The following VPS37A variants were observed in gnomAD, a reference collection of about 807,000 sequenced individuals.
The protein encoded by VPS37A is vacuolar protein sorting-associated protein 37A.
VPS37A carries 30 observed loss-of-function variants against 49.8 expected under a neutral mutation model. The ratio of observed to expected loss-of-function variants is 0.60; its 90% CI spans 0.45 to 0.82. VPS37A has a LOEUF of 0.82. Ranked by LOEUF, VPS37A falls within the 40% of genes least tolerant of loss-of-function variation. The pLI is 0.00. For missense variants in VPS37A, 593 were observed against 464.4 expected, an observed-to-expected ratio of 1.28 and a Z score of -2.55; for synonymous variants, 195 against 160.6, an observed-to-expected ratio of 1.21 and a Z score of -1.62.
At chr8:17,318,313 C>T in the VPS37A span, among the ~76,000 whole-genome samples, 25 of 152,196 alleles carry the variant, frequency 1.6e-4, no homozygotes, top group Admixed American at 3.3e-4. Flanking sequence ...AGCAGCGCTT[C>T]CACAGTTCTG....
rs1811319106 is a variant in VPS37A at position 17,247,275 on chromosome 8, GCCT to G, written c.40_42del (p.Ser14del). On this transcript the variant is annotated inframe_deletion, in exon 1 of 12. Transcript: ENST00000324849. ...CTGGCTTTTTCCCCTGACCAAGAGC[GCCT>G]CCTCCTCCGCGGCTGGGTCCCCCGG... is the stretch of plus-strand genomic sequence containing the variant. The G allele has an allele frequency of 6.4e-7, 1 of 1,568,848 alleles. No individual in the cohort carries two copies. The highest frequency in any genetic ancestry group is 1.2e-5 in the South Asian group (1 of 85,318).
intron 1 of VPS37A, among the ~76,000 whole-genome samples, chr8:17,264,603 T>C (rs1813276360): frequency 6.6e-6 from 1 of 152,166 alleles, no homozygotes; most frequent in Admixed American, 6.6e-5. Flanking sequence ...TATCTTAAGA[T>C]TTACATATCC....
At chr8:17,268,114 A>G (rs967043239) in intron 2 of VPS37A, 144 bp from the exon 3 acceptor site, 10 of 563,124 alleles carry the variant, frequency 1.8e-5, no homozygotes, top group African/African-American at 1.5e-4. Flanking sequence ...AGACAACACC[A>G]TAATAGAGCA....
At chr8:17,329,210 T>G in the VPS37A span, among the ~76,000 whole-genome samples, 1 of 152,180 alleles carries the variant, frequency 6.6e-6, no homozygotes, top group Admixed American at 6.5e-5. Context: ...GGATAGCTGT[T>G]TGAAGGAGGA....
At chr8:17,257,311 A>T (rs1812557005) in intron 1 of VPS37A, among the ~76,000 whole-genome samples, 2 of 152,172 alleles carry the variant, frequency 1.3e-5, no homozygotes, top group Admixed American at 1.3e-4. Context: ...TGATTTGGTT[A>T]CTATAACTTT....
chr8:17,253,620 ATTTACT>A (rs1230051577), intron 1 of VPS37A, among the ~76,000 whole-genome samples: 1 of 152,218 alleles, frequency 6.6e-6, no homozygotes, highest in African/African-American at 2.4e-5. Flanking sequence ...TATTTCCCTG[ATTTACT>A]TTTCTGAGTA....
downstream of VPS37A, among the ~76,000 whole-genome samples, chr8:17,305,101 C>T (rs1817366824): frequency 6.6e-6 from 1 of 152,142 alleles, no homozygotes; most frequent in Admixed American, 6.5e-5. Flanking sequence ...ACTTGAGCTT[C>T]CTTAGAGAAA....
chr8:17,331,215 T>C, the VPS37A span: 2 of 1,612,886 alleles, frequency 1.2e-6, no homozygotes, highest in Non-Finnish European at 1.7e-6. Context: ...AAACTGAAAC[T>C]TGATATTGGA....
At position 17,274,963 on chromosome 8, in the gene VPS37A, G is replaced by A; in HGVS notation, c.642+5G>A. ...ACAGTGGATGCTTCAATACCGGTTG[G>A]TATCGTCAGTTATCTATATTTTGTG... On this transcript the variant is annotated splice_donor_5th_base_variant and intron_variant, in intron 5 of 11. Coordinates refer to ENST00000324849, the MANE Select transcript of VPS37A (RefSeq NM_152415.3). 6.2e-7 allele frequency: 1 copy of A among 1,611,960 alleles called. No homozygotes were observed. Among genetic ancestry groups the A allele is most frequent in the Non-Finnish European group, 8.5e-7 (1 of 1,178,184 alleles).
rs114590037 is a variant in VPS37A at position 17,261,033 on chromosome 8, T to C, written c.126-4874T>C. Among the ~76,000 whole-genome samples the C allele has an allele frequency of 4.5e-3, 681 of 152,356 alleles. 3 individuals carry two copies. The highest frequency in any genetic ancestry group is 0.016 in the African/African-American group (651 of 41,592). ...CTTTCTCAAGCTTTGGAAGTTTTTC[T>C]GTGACTATTTCTTGGAATAAGCTTT... On this transcript the variant is annotated intron_variant, in intron 1 of 11. Coordinates refer to ENST00000324849, the MANE Select transcript of VPS37A (RefSeq NM_152415.3).
rs1183780025 is a variant in VPS37A at position 17,297,883 on chromosome 8, A to ATGTC, written c.*2903_*2906dup. The ATGTC allele has an allele frequency of 6.6e-6, 1 of 152,026 alleles. No individual in the cohort carries two copies. The highest frequency in any genetic ancestry group is 1.9e-4 in the East Asian group (1 of 5,202). 9.4% of individuals were successfully genotyped at this position (152,026 alleles called of 1,614,324 possible). Reference sequence around the variant, plus strand: ...AGACGAACATGTTACATAAATTATAATGTCTGTCTTGTAAAAAAGTTGAGG... The same window carrying ATGTC: ...AGACGAACATGTTACATAAATTATAATGTCTGTCTGTCTTGTAAAAAAGTTGAGG... On this transcript the variant is annotated 3_prime_UTR_variant, in exon 12 of 12. Transcript: ENST00000324849.
downstream of VPS37A, among the ~76,000 whole-genome samples, chr8:17,300,593 TCTAA>T (rs1445843973): frequency 1.3e-5 from 2 of 152,368 alleles, no homozygotes; most frequent in Admixed American, 1.3e-4. Flanking sequence ...GTGTTTATCA[TCTAA>T]CTTTTATACT....
chr8:17,301,198 C>T (rs1817085740), downstream of VPS37A, among the ~76,000 whole-genome samples: 1 of 152,178 alleles, frequency 6.6e-6, no homozygotes, highest in Non-Finnish European at 1.5e-5. Flanking sequence ...AATACAGACC[C>T]AGCCTTAAGG....
the VPS37A span, among the ~76,000 whole-genome samples, chr8:17,314,761 A>G: frequency 6.6e-6 from 1 of 152,222 alleles, no homozygotes; most frequent in East Asian, 1.9e-4. Flanking sequence ...TCTTCCTTCC[A>G]AATGCCTGCC....
intron 4 of VPS37A, among the ~76,000 whole-genome samples, chr8:17,274,500 ATCT>A (rs1483398304): frequency 2.6e-5 from 4 of 150,954 alleles, no homozygotes; most frequent in Non-Finnish European, 5.9e-5. Context: ...AGCACCCATC[ATCT>A]TCTTTGTAGA....
At chr8:17,255,787 A>G (rs1050646131) in intron 1 of VPS37A, among the ~76,000 whole-genome samples, 1 of 151,952 alleles carries the variant, frequency 6.6e-6, no homozygotes, top group African/African-American at 2.4e-5. Context: ...CACATATGCA[A>G]TGTTTGTCTT....
At chr8:17,277,473 A>G (rs13268068) in intron 6 of VPS37A, among the ~76,000 whole-genome samples, 18,178 of 152,106 alleles carry the variant, frequency 0.12, 1,492 homozygotes, top group Non-Finnish European at 0.18. Context: ...TGTGGCAACA[A>G]CAGCTATAAA....
chr8:17,311,666 C>G, the VPS37A span: 1 of 1,613,598 alleles, frequency 6.2e-7, no homozygotes, highest in Non-Finnish European at 8.5e-7. Context: ...CAAAGAGTCA[C>G]AAAGAATGGC....
At chr8:17,323,140 G>T in the VPS37A span, among the ~76,000 whole-genome samples, 1 of 151,684 alleles carries the variant, frequency 6.6e-6, no homozygotes, top group Admixed American at 6.6e-5. Flanking sequence ...TAGAGATGGG[G>T]TTTCACCATG....
Sources: gnomAD v4.1 joint callset for allele counts (sites outside exome capture counted in the v4.1 genomes callset) on GRCh38, gnomAD v4.1.1 for gene constraint, MANE v1.5 for transcripts, NCBI Gene and HGNC (gene_info 2026-07-23, HGNC 2026-07-21) for gene names.